Variants in PRKACB observed in about 807,000 individuals in gnomAD.
PRKACB encodes the protein protein kinase cAMP-activated catalytic subunit beta, also known as cAMP-dependent protein kinase catalytic subunit beta.
In PRKACB, 16 loss-of-function variants were observed where a neutral mutation model predicts 51.4. The ratio of observed to expected loss-of-function variants is 0.31; its 90% CI spans 0.21 to 0.47. The LOEUF (loss-of-function observed/expected upper bound fraction) is 0.47, where lower values mean the gene tolerates loss of function less well. Ranked by LOEUF, PRKACB falls within the 20% of genes least tolerant of loss-of-function variation. The pLI, the probability that PRKACB is intolerant of heterozygous loss-of-function variation, is 1.00. For synonymous variants in PRKACB, 147 were observed against 154.4 expected (o/e 0.95, Z 0.35); for missense variants, 309 against 464.5 (o/e 0.67, Z 3.08).
At chr1:84,224,595 T>C (rs1434229717) in intron 9 of PRKACB, among the ~76,000 whole-genome samples, 1 of 151,876 alleles carries the variant, frequency 6.6e-6, no homozygotes, top group East Asian at 1.9e-4. Flanking sequence ...GGCCCTCAGA[T>C]GGCATGCTTG....
At chr1:84,088,914 A>G (rs1648234698) in intron 1 of PRKACB, among the ~76,000 whole-genome samples, 1 of 152,216 alleles carries the variant, frequency 6.6e-6, no homozygotes, top group Non-Finnish European at 1.5e-5. Context: ...GTGAAAATGT[A>G]GCATAGGAGT....
At chr1:84,183,833 T>C (rs1202247550) in intron 3 of PRKACB, among the ~76,000 whole-genome samples, 1 of 151,850 alleles carries the variant, frequency 6.6e-6, no homozygotes, top group Non-Finnish European at 1.5e-5. Flanking sequence ...TAGGTTTTCA[T>C]TTGAATCCTA....
At chr1:84,083,400 C>T (rs1166366594) in intron 1 of PRKACB, among the ~76,000 whole-genome samples, 2 of 137,948 alleles carry the variant, frequency 1.4e-5, no homozygotes, top group African/African-American at 2.5e-5. Context: ...TTCTTATTCT[C>T]CTCCTCTTAT....
chr1:84,151,394 C>G (rs1165382955), intron 1 of PRKACB, among the ~76,000 whole-genome samples: 1 of 152,106 alleles, frequency 6.6e-6, no homozygotes, highest in East Asian at 1.9e-4. Context: ...GCTGATTGAT[C>G]AAGGTGATGG....
intron 1 of PRKACB, among the ~76,000 whole-genome samples, chr1:84,078,796 C>A (rs1306580914): frequency 1.3e-5 from 2 of 152,156 alleles, no homozygotes; most frequent in Non-Finnish European, 2.9e-5. Flanking sequence ...TTGGGTCCGA[C>A]CCAACCTTAT....
intron 9 of PRKACB, among the ~76,000 whole-genome samples, chr1:84,227,447 T>A (rs1333271351): frequency 6.6e-6 from 1 of 152,188 alleles, no homozygotes; most frequent in African/African-American, 2.4e-5. Context: ...TTTATTAGTA[T>A]GCTAAAGATT....
chr1:84,108,194 G>A (rs937885395), intron 1 of PRKACB, among the ~76,000 whole-genome samples: 1 of 152,034 alleles, frequency 6.6e-6, no homozygotes, highest in African/African-American at 2.4e-5. Context: ...GGAACTGGAG[G>A]CCATTAACTC....
At position 84,096,182 on chromosome 1, in the gene PRKACB, G is replaced by A. The variant is rs756624947; in HGVS notation, c.46+17811G>A. 1.8e-4 allele frequency among the ~76,000 whole-genome samples: 27 copies of A among 151,968 alleles called. 1 individual carries two copies. The highest frequency in any genetic ancestry group is 3.9e-4 in the Admixed American group (6 of 15,230). ...TCCTATTCTTACTCCTATCGATGGA[G>A]CCTTTCAGTGGTTTTGACTGAAGGC... is the stretch of plus-strand genomic sequence containing the variant. On this transcript the variant is annotated intron_variant, in intron 1 of 8. Coordinates refer to the PRKACB transcript ENST00000370688.
intron 5 of PRKACB, among the ~76,000 whole-genome samples, chr1:84,191,636 G>A (rs548410574): frequency 2.4e-4 from 36 of 152,074 alleles, no homozygotes; most frequent in African/African-American, 6.0e-4. Flanking sequence ...TTGAGTGTAC[G>A]TGGACATAAA....
chr1:84,092,007 G>T (rs987340655), intron 1 of PRKACB, among the ~76,000 whole-genome samples: 53 of 152,104 alleles, frequency 3.5e-4, no homozygotes, highest in Admixed American at 6.6e-4. Context: ...GTTATGATTG[G>T]TTTTTGTCGT....
chr1:84,090,371 A>G (rs137995157), intron 1 of PRKACB, among the ~76,000 whole-genome samples: 1 of 152,186 alleles, frequency 6.6e-6, no homozygotes, highest in African/African-American at 2.4e-5. Context: ...TGTTATATTT[A>G]TCTATTGTTC....
chr1:84,134,140 T>G (rs2792972), intron 1 of PRKACB, among the ~76,000 whole-genome samples: 3,133 of 152,218 alleles, frequency 0.021, 54 homozygotes, highest in Non-Finnish European at 0.03. Context: ...TCAAGCTGCT[T>G]CTCTCCAACG....
intron 1 of PRKACB, among the ~76,000 whole-genome samples, chr1:84,087,370 T>C (rs993284922): frequency 2.0e-5 from 3 of 152,018 alleles, no homozygotes; most frequent in African/African-American, 7.3e-5. Flanking sequence ...TCCAAACTTA[T>C]AAAAGCTAGC....
chr1:84,207,500 C>G (rs190965603), intron 8 of PRKACB, among the ~76,000 whole-genome samples: 98 of 152,228 alleles, frequency 6.4e-4, no homozygotes, highest in African/African-American at 2.2e-3. Flanking sequence ...GAAAAATTGT[C>G]TAATGTGTAT....
chr1:84,093,083 T>A (rs956882195), intron 1 of PRKACB, among the ~76,000 whole-genome samples: 26 of 152,118 alleles, frequency 1.7e-4, no homozygotes, highest in Admixed American at 1.2e-3. Flanking sequence ...TGTTTAATAA[T>A]TTTCAAACGT....
upstream of PRKACB, among the ~76,000 whole-genome samples, chr1:84,141,860 T>A (rs553919279): frequency 6.6e-6 from 1 of 152,050 alleles, no homozygotes; most frequent in African/African-American, 2.4e-5. Context: ...TTAAAGGGGG[T>A]AATTGGAAGC....
chr1:84,088,495 A>G (rs953835424), intron 1 of PRKACB, among the ~76,000 whole-genome samples: 3 of 152,172 alleles, frequency 2.0e-5, no homozygotes, highest in Admixed American at 2.0e-4. Context: ...GGCCATTGTT[A>G]TATGTGAGCC....
At chr1:84,148,957 G>T (rs1205507715) in intron 1 of PRKACB, among the ~76,000 whole-genome samples, 1 of 152,094 alleles carries the variant, frequency 6.6e-6, no homozygotes, top group Non-Finnish European at 1.5e-5. Context: ...AGCATTATTA[G>T]CATCTCCTGG....
intron 1 of PRKACB, among the ~76,000 whole-genome samples, chr1:84,131,092 C>A (rs1409783313): frequency 2.6e-5 from 4 of 152,154 alleles, no homozygotes; most frequent in Non-Finnish European, 5.9e-5. Flanking sequence ...TGCGGTGGCT[C>A]ACGCCTGTAA....
Sources: allele counts gnomAD v4.1 joint callset (sites outside exome capture counted in the v4.1 genomes callset), GRCh38; gene constraint gnomAD v4.1.1; transcripts MANE v1.5; gene names NCBI Gene and HGNC (gene_info 2026-07-23, HGNC 2026-07-21).